The following TDRD1 variants were observed in gnomAD, a reference collection of about 807,000 sequenced individuals.
The protein encoded by TDRD1 is tudor domain containing 1.
In TDRD1, 37 loss-of-function variants were observed where a neutral mutation model predicts 140.6. That is an observed-to-expected ratio of 0.26 (90% CI 0.20 to 0.35). TDRD1 has a LOEUF of 0.35. Ranked by LOEUF, TDRD1 falls within the 10% of genes least tolerant of loss-of-function variation. The pLI, the probability that TDRD1 is intolerant of heterozygous loss-of-function variation, is 1.00. For synonymous variants in TDRD1, 506 were observed against 475.7 expected (o/e 1.06, Z -0.83); for missense variants, 1,243 against 1,393.0 (o/e 0.89, Z 1.71).
intron 1 of TDRD1, among the ~76,000 whole-genome samples, chr10:114,181,367 G>A (rs1462565822): frequency 6.6e-6 from 1 of 152,218 alleles, no homozygotes; most frequent in East Asian, 1.9e-4. Flanking sequence ...GAGGTTAGCC[G>A]ATGTGGCTTC....
chr10:114,179,623 G>A (rs2032863492), intron 1 of TDRD1: 1 of 152,196 alleles, frequency 6.6e-6, no homozygotes, highest in African/African-American at 2.4e-5. Flanking sequence ...TGGAAATAGC[G>A]CTTCCAGGCA....
At chr10:114,197,661 CTTT>C (rs58887319) in intron 3 of TDRD1, among the ~76,000 whole-genome samples, 22 of 134,174 alleles carry the variant, frequency 1.6e-4, no homozygotes, top group Non-Finnish European at 1.6e-4. Flanking sequence ...TATTATGAGA[CTTT>C]TTTTTTTTTT....
intron 1 of TDRD1, chr10:114,179,827 T>G (rs191042556): frequency 3.3e-5 from 5 of 152,362 alleles, no homozygotes; most frequent in Admixed American, 2.6e-4. Flanking sequence ...TGGCGCTAGT[T>G]TGTTTAAGGA....
At chr10:114,230,668 A>G (rs1038336302) in intron 25 of TDRD1, among the ~76,000 whole-genome samples, 8 of 152,238 alleles carry the variant, frequency 5.3e-5, no homozygotes, top group Non-Finnish European at 1.0e-4. Context: ...CATTATTAGG[A>G]AAAAATAATG....
chr10:114,198,129 G>C (rs1455296274), intron 3 of TDRD1, among the ~76,000 whole-genome samples: 2 of 152,160 alleles, frequency 1.3e-5, no homozygotes, highest in Non-Finnish European at 2.9e-5. Flanking sequence ...CTTCACAAGA[G>C]GCCTCAACTA....
At chr10:114,222,510 A>G in intron 20 of TDRD1, 77 bp from the exon 21 acceptor site, 1 of 716,688 alleles carries the variant, frequency 1.4e-6, no homozygotes, top group Non-Finnish European at 2.4e-6. Context: ...GATTGATTAG[A>G]CTTGCCATTC....
intron 1 of TDRD1, among the ~76,000 whole-genome samples, chr10:114,180,506 C>A (rs1243883440): frequency 6.6e-6 from 1 of 152,160 alleles, no homozygotes; most frequent in Non-Finnish European, 1.5e-5. Flanking sequence ...ACTCTTGTTG[C>A]CCAGGCTGGA....
chr10:114,221,872 C>T lies in TDRD1; in HGVS notation c.2890+396C>T, dbSNP rs147399560. Among the ~76,000 whole-genome samples, 67 of 152,236 alleles carry T rather than the reference C, an allele frequency of 4.4e-4. No individual in the cohort carries two copies. The East Asian group carries it at 0.011, about 25-fold the overall frequency. ...CGTAGAGAAATGTTTCACACTAGAA[C>T]GAATCTTGAAGAAAAGTAGCATATA... On this transcript the variant is annotated intron_variant, in intron 20 of 25. Transcript: ENST00000251864.
At chr10:114,188,196 T>C in intron 2 of TDRD1, 40 bp downstream of exon 2, 7 of 1,519,964 alleles carry the variant, frequency 4.6e-6, no homozygotes, top group Non-Finnish European at 6.2e-6. Flanking sequence ...TTCATTCTCA[T>C]GGTTTCTGTG....
chr10:114,210,744 T>G, exon 12 of TDRD1: 5 of 1,609,274 alleles, frequency 3.1e-6, no homozygotes, highest in Non-Finnish European at 4.3e-6. Flanking sequence ...AACTGCAAAG[T>G]GGCCGTAAGT....
At chr10:114,182,690 C>CTT (rs34137706) in intron 1 of TDRD1, among the ~76,000 whole-genome samples, 12,685 of 144,548 alleles carry the variant, frequency 0.088, 661 homozygotes, top group Middle Eastern at 0.16. Flanking sequence ...ATACGAATAT[C>CTT]TTTTTTTTTT....
At chr10:114,192,267 TC>T (rs1409419732) in intron 3 of TDRD1, among the ~76,000 whole-genome samples, 1 of 148,132 alleles carries the variant, frequency 6.8e-6, no homozygotes, top group Non-Finnish European at 1.5e-5. Flanking sequence ...TTCATTTTTT[TC>T]CCCAAAAAAG....
chr10:114,177,692 A>C (rs1411410488), upstream of TDRD1, among the ~76,000 whole-genome samples: 1 of 152,252 alleles, frequency 6.6e-6, no homozygotes, highest in Admixed American at 6.5e-5. Flanking sequence ...GATGGGCTTT[A>C]GTTAATACTG....
At chr10:114,201,487 A>T in exon 5 of TDRD1, 1 of 1,613,686 alleles carries the variant, frequency 6.2e-7, no homozygotes, top group African/African-American at 1.3e-5. Flanking sequence ...GTCTGCACAC[A>T]GCATCGTGTG....
intron 3 of TDRD1, among the ~76,000 whole-genome samples, chr10:114,194,615 G>A (rs974132500): frequency 3.3e-5 from 5 of 151,524 alleles, no homozygotes; most frequent in Admixed American, 2.6e-4. Context: ...CAAAGAAATA[G>A]GTCTTTGTTT....
intron 2 of TDRD1, among the ~76,000 whole-genome samples, chr10:114,190,598 C>A (rs2033893122): frequency 6.6e-6 from 1 of 152,212 alleles, no homozygotes; most frequent in African/African-American, 2.4e-5. Context: ...AGTGGTTCTC[C>A]TACCTCAGCC....
chr10:114,183,700 CTTT>C (rs374468967), intron 1 of TDRD1, among the ~76,000 whole-genome samples: 3 of 129,638 alleles, frequency 2.3e-5, no homozygotes, highest in South Asian at 2.5e-4. Context: ...TCACAGTTAA[CTTT>C]TTTTTTTTTT....
At chr10:114,192,590 G>A (rs990049670) in intron 3 of TDRD1, among the ~76,000 whole-genome samples, 4 of 152,078 alleles carry the variant, frequency 2.6e-5, no homozygotes, top group African/African-American at 7.2e-5. Context: ...ACAGGCGTGA[G>A]CCACCAGATA....
chr10:114,216,294 C>T (rs1235163811), intron 16 of TDRD1, among the ~76,000 whole-genome samples: 1 of 152,142 alleles, frequency 6.6e-6, no homozygotes, highest in African/African-American at 2.4e-5. Context: ...AGTCTCTATT[C>T]TTTTTCATGG....
Sources: gnomAD v4.1 joint callset for allele counts (sites outside exome capture counted in the v4.1 genomes callset) on GRCh38, gnomAD v4.1.1 for gene constraint, MANE v1.5 for transcripts, NCBI Gene and HGNC (gene_info 2026-07-23, HGNC 2026-07-21) for gene names.